Variants in BLTP3B observed in about 807,000 individuals in gnomAD.
BLTP3B encodes the protein bridge-like lipid transfer protein family member 3B.
the BLTP3B span, among the ~76,000 whole-genome samples, chr12:100,117,918 T>TATAA: frequency 1.3e-5 from 2 of 152,202 alleles, no homozygotes; most frequent in African/African-American, 4.8e-5. Flanking sequence ...GGGACTCATT[T>TATAA]ATATGCATCA....
chr12:100,090,343 A>G, the BLTP3B span, among the ~76,000 whole-genome samples: 134 of 152,320 alleles, frequency 8.8e-4, no homozygotes, highest in South Asian at 9.1e-3. Flanking sequence ...CTGTTGATAT[A>G]TAAAAATAAA....
the BLTP3B span, among the ~76,000 whole-genome samples, chr12:100,055,363 T>A: frequency 6.6e-6 from 1 of 152,064 alleles, no homozygotes; most frequent in Non-Finnish European, 1.5e-5. Context: ...GTAACTGGTA[T>A]AGTAAATATT....
At chr12:100,081,822 A>G in the BLTP3B span, among the ~76,000 whole-genome samples, 1 of 152,168 alleles carries the variant, frequency 6.6e-6, no homozygotes, top group Non-Finnish European at 1.5e-5. Flanking sequence ...ACTGATGGGC[A>G]TCTAGGTTGA....
the BLTP3B span, among the ~76,000 whole-genome samples, chr12:100,130,982 G>GAGAGAGA: frequency 4.8e-5 from 3 of 62,220 alleles, no homozygotes; most frequent in Non-Finnish European, 8.7e-5. Context: ...AGAGAGGGAG[G>GAGAGAGA]GAGAGAGAGA....
the BLTP3B span, among the ~76,000 whole-genome samples, chr12:100,081,341 T>G: frequency 6.6e-6 from 1 of 152,200 alleles, no homozygotes; most frequent in East Asian, 1.9e-4. Context: ...GTCTTTCTAG[T>G]GAATTTTGAA....
the BLTP3B span, chr12:100,057,805 A>C: frequency 6.8e-7 from 1 of 1,464,314 alleles, no homozygotes; most frequent in Non-Finnish European, 9.1e-7. Context: ...TATCTAAAAA[A>C]TACTTCTAAG....
the BLTP3B span, among the ~76,000 whole-genome samples, chr12:100,063,796 A>G: frequency 1.5e-4 from 23 of 152,220 alleles, no homozygotes; most frequent in African/African-American, 5.3e-4. Flanking sequence ...AACAGCCTTC[A>G]GTACTAGACA....
the BLTP3B span, chr12:100,084,776 A>G: frequency 9.5e-7 from 1 of 1,051,374 alleles, no homozygotes; most frequent in Non-Finnish European, 1.3e-6. Context: ...ATATCTGAAA[A>G]ATTTACAGGC....
chr12:100,123,751 CTTTT>C, the BLTP3B span, among the ~76,000 whole-genome samples: 1 of 144,912 alleles, frequency 6.9e-6, no homozygotes, highest in African/African-American at 2.5e-5. Flanking sequence ...TTTAAACTGC[CTTTT>C]TTTTTTTAAA....
chr12:100,133,483 A>C, the BLTP3B span, among the ~76,000 whole-genome samples: 1 of 152,172 alleles, frequency 6.6e-6, no homozygotes, highest in South Asian at 2.1e-4. Context: ...AGTGTTGAAA[A>C]CTGGGTAAAA....
At chr12:100,037,670 A>G in the BLTP3B span, 1 of 1,609,704 alleles carries the variant, frequency 6.2e-7, no homozygotes, top group Non-Finnish European at 8.5e-7. Context: ...ATGATGAAGA[A>G]GAGCATCTTT....
the BLTP3B span, among the ~76,000 whole-genome samples, chr12:100,078,535 A>G: frequency 6.6e-6 from 1 of 152,184 alleles, no homozygotes. Flanking sequence ...CACACTTGAT[A>G]GCCTAGTTGC....
the BLTP3B span, among the ~76,000 whole-genome samples, chr12:100,052,624 G>A: frequency 2.6e-5 from 4 of 151,960 alleles, no homozygotes; most frequent in East Asian, 7.7e-4. Context: ...AGTATAACGA[G>A]CACATGGGAA....
At chr12:100,108,660 T>C in the BLTP3B span, 2 of 840,144 alleles carry the variant, frequency 2.4e-6, no homozygotes, top group Non-Finnish European at 3.5e-6. Flanking sequence ...CACAACATAA[T>C]GTCCATCAAC....
chr12:100,082,915 G>A, the BLTP3B span: 1 of 835,156 alleles, frequency 1.2e-6, no homozygotes, highest in Non-Finnish European at 1.9e-6. Context: ...CATAAACCTT[G>A]TAAAGATTTT....
At chr12:100,106,695 T>C in the BLTP3B span, among the ~76,000 whole-genome samples, 1 of 152,156 alleles carries the variant, frequency 6.6e-6, no homozygotes, top group Non-Finnish European at 1.5e-5. Flanking sequence ...TCCCAGACTT[T>C]ACCACTATAC....
At chr12:100,080,850 TC>T in the BLTP3B span, among the ~76,000 whole-genome samples, 1 of 144,706 alleles carries the variant, frequency 6.9e-6, no homozygotes. Context: ...TTTGGCTGTG[TC>T]CCCACCCAAA....
chr12:100,037,728 G>T, the BLTP3B span: 1 of 1,606,204 alleles, frequency 6.2e-7, no homozygotes, highest in East Asian at 2.2e-5. Flanking sequence ...GCCAGTTCCT[G>T]TTTAAGAGAT....
chr12:100,051,441 T>C, the BLTP3B span: 1 of 398,146 alleles, frequency 2.5e-6, no homozygotes, highest in Non-Finnish European at 4.4e-6. Flanking sequence ...AAAGACAATT[T>C]TTTTTAAAAT....
Sources: allele counts gnomAD v4.1 joint callset (sites outside exome capture counted in the v4.1 genomes callset), GRCh38; gene constraint gnomAD v4.1.1; transcripts MANE v1.5; gene names NCBI Gene and HGNC (gene_info 2026-07-23, HGNC 2026-07-21).